SEZ6L2: variants seen among roughly 807,000 people sequenced by gnomAD.
SEZ6L2 encodes the protein seizure 6-like protein 2.
In SEZ6L2, 44 loss-of-function variants were observed where a neutral mutation model predicts 97.0. That is an observed-to-expected ratio of 0.45 (90% CI 0.36 to 0.58). The LOEUF (loss-of-function observed/expected upper bound fraction) is 0.58. Ranked by LOEUF, SEZ6L2 falls within the 20% of genes least tolerant of loss-of-function variation. The pLI is 0.00. For missense variants in SEZ6L2, 1,086 were observed against 1,233.3 expected, an observed-to-expected ratio of 0.88 and a Z score of 1.79; for synonymous variants, 543 against 546.1, an observed-to-expected ratio of 0.99 and a Z score of 0.08.
At chr16:29,884,200 G>A (rs1006863068) in intron 8 of SEZ6L2, among the ~76,000 whole-genome samples, 3 of 152,170 alleles carry the variant, frequency 2.0e-5, no homozygotes, top group South Asian at 2.1e-4. Context: ...TCAGGCTAAG[G>A]CCAACCAGGA....
chr16:29,878,705 C>T (rs1342362034), intron 9 of SEZ6L2, among the ~76,000 whole-genome samples: 3 of 151,238 alleles, frequency 2.0e-5, no homozygotes, highest in Admixed American at 6.6e-5. Flanking sequence ...CTGCCTCAGC[C>T]TCCCGAGTAG....
In SEZ6L2 at chr16:29,887,656, T is replaced by A. The variant is rs1360409031; in HGVS notation, c.1201A>T (p.Asn401Tyr). Residue 401 changes from asparagine (N) to tyrosine (Y), a missense_variant, in exon 7 of 18, where the codon AAT becomes TAT. Transcript: ENST00000617533. ...HFERVSLDED[N>Y]DRLMVRSGGS... ...CAAGACCCAGACCCTTACCGGTCATTGTCCTCATCCAGCGAGACCCTTTCA... is the reference window on the plus strand; with the variant it reads ...CAAGACCCAGACCCTTACCGGTCATAGTCCTCATCCAGCGAGACCCTTTCA... 6.4e-7 allele frequency: 1 copy of A among 1,574,314 alleles called. No individual in the cohort carries two copies. Among genetic ancestry groups the A allele is most frequent in the Non-Finnish European group, 8.6e-7 (1 of 1,157,786 alleles).
At chr16:29,879,757 G>T in intron 9 of SEZ6L2, 107 bp downstream of exon 9, 1 of 989,792 alleles carries the variant, frequency 1.0e-6, no homozygotes, top group Non-Finnish European at 1.5e-6. Context: ...AGGCTTGGGT[G>T]GATGAAGTCT....
In SEZ6L2 at chr16:29,873,640, G is replaced by A. The variant is rs755711466; in HGVS notation, c.2194C>T (p.Arg732Cys). Residue 732 changes from arginine to cysteine, a missense_variant, in exon 13 of 18, where the codon CGC becomes TGC. Transcript: ENST00000617533. This position sits in a 1 kb window ranked among gnomAD's most constrained non-coding sequence, Gnocchi z 4.3. Reference sequence around the variant, plus strand: ...TCGAGGCTGTACCCTGGCAGGCAGCGGTACTGGACGTGGGAGCCAACGGGG... The same window carrying A: ...TCGAGGCTGTACCCTGGCAGGCAGCAGTACTGGACGTGGGAGCCAACGGGG... ...GFPVGSHVQY[R>C]CLPGYSLEGA... 1.2e-5 allele frequency: 19 copies of A among 1,614,000 alleles called. 1 individual carries two copies. Among genetic ancestry groups the A allele is most frequent in the Admixed American group, 3.3e-5 (2 of 60,028 alleles).
chr16:29,876,753 C>G lies in SEZ6L2; in HGVS notation c.2104+3G>C. On this transcript the variant is annotated splice_donor_region_variant and intron_variant, in intron 12 of 17. Transcript: ENST00000617533. This position sits in a 1 kb window ranked among gnomAD's most constrained non-coding sequence, Gnocchi z 6.5. Reference sequence around the variant, plus strand: ...CGAGGGGACGCGGGCGGGGCCGGCTCACTCTTTTGGCAGGCGGGCGGCGCG... The same window carrying G: ...CGAGGGGACGCGGGCGGGGCCGGCTGACTCTTTTGGCAGGCGGGCGGCGCG... 6.5e-7 allele frequency: 1 copy of G among 1,539,846 alleles called. No homozygotes were observed.
At chr16:29,898,423 TTCTCTCTCTCTCTC>T (rs112555002) in intron 1 of SEZ6L2, among the ~76,000 whole-genome samples, 1 of 146,706 alleles carries the variant, frequency 6.8e-6, no homozygotes, top group African/African-American at 2.5e-5. Flanking sequence ...TGGCTGTCTT[TTCTCTCTCTCTCTC>T]TCTCTCTCTC....
chr16:29,872,530 C>G lies in SEZ6L2; in HGVS notation c.2528-4G>C. The G allele has an allele frequency of 4.3e-6, 7 of 1,613,862 alleles. No individual in the cohort carries two copies. Among genetic ancestry groups the G allele is most frequent in the East Asian group, 2.2e-5 (1 of 44,874 alleles). ...GATGGATCTGTGGTCTGGGTCACTA[C>G]AGGAGGAGGAGAGGCCGGTGAGCTG... On this transcript the variant is annotated splice_polypyrimidine_tract_variant and splice_region_variant and intron_variant, in intron 15 of 17. Coordinates refer to ENST00000617533, the MANE Select transcript of SEZ6L2 (RefSeq NM_001243332.2).
At chr16:29,888,780 T>C in intron 5 of SEZ6L2, 55 bp from the exon 6 acceptor site, 2 of 1,492,002 alleles carry the variant, frequency 1.3e-6, no homozygotes, top group Non-Finnish European at 1.8e-6. Context: ...CACCCTCTCA[T>C]ACTGATCCCC....
Position 29,879,955 on chromosome 16 carries a change from T to C in SEZ6L2, c.1482A>G (p.Gly494=), listed in dbSNP as rs759585634. 2 of 1,614,138 alleles carry C rather than the reference T, an allele frequency of 1.2e-6. No homozygotes were observed. The highest frequency in any genetic ancestry group is 1.7e-6 in the Non-Finnish European group (2 of 1,180,014). ...GGGGCCCAGGGGGCTCCAGGGCATA[T>C]CCTGGGAGGCACGAGAAGGTTGCCA... ...GALATFSCLP[G]YALEPPGPPN... is the part of the protein sequence containing the mutation. The change falls in exon 9 of 18, where the codon GGA becomes GGG. Residue 494 remains glycine (G), a synonymous_variant. Coordinates refer to ENST00000617533, the MANE Select transcript of SEZ6L2 (RefSeq NM_001243332.2).
intron 9 of SEZ6L2, 44 bp downstream of exon 9, chr16:29,879,820 G>A (rs1255268246): frequency 9.8e-6 from 15 of 1,523,726 alleles, no homozygotes; most frequent in Non-Finnish European, 1.3e-5. Context: ...CAGTTCAGGG[G>A]GCAACGTGGA....
chr16:29,878,428 A>AG lies in SEZ6L2; in HGVS notation c.1574-4dup. ...CGACAGCTCCCCTCCACACATGGCT[A>AG]GGGAAAAAGGGGTGTCAGGTTCAGG... On this transcript the variant is annotated splice_region_variant and splice_polypyrimidine_tract_variant and intron_variant, in intron 9 of 17. Transcript: ENST00000617533. The AG allele has an allele frequency of 6.3e-7, 1 of 1,592,376 alleles. No individual in the cohort carries two copies. Among genetic ancestry groups the AG allele is most frequent in the Non-Finnish European group, 8.6e-7 (1 of 1,166,544 alleles).
chr16:29,881,620 C>CTTTTTTTTTT (rs59318540), intron 8 of SEZ6L2, among the ~76,000 whole-genome samples: 2 of 85,120 alleles, frequency 2.3e-5, no homozygotes, highest in Admixed American at 1.5e-4. Flanking sequence ...ATGAGGAATT[C>CTTTTTTTTTT]TTTTTTTTTT....
intron 12 of SEZ6L2, among the ~76,000 whole-genome samples, chr16:29,874,419 G>A (rs1001860548): frequency 2.0e-5 from 3 of 151,986 alleles, no homozygotes; most frequent in African/African-American, 7.3e-5. Flanking sequence ...TACACTCCCT[G>A]CCTTCAGGCG....
rs1375851398 is a variant in SEZ6L2, at chr16:29,885,667, T to A, written c.1291A>T (p.Ile431Phe). The stretch of plus-strand genomic sequence containing the variant: ...ACGTAGAGGGACTGGGCGTCACTGA[T>A]GAGACCCCGCTCGGGGACATCGTCC... ...DMDDVPERGL[I>F]SDAQSLYVEL... Residue 431 changes from isoleucine (I) to phenylalanine (F), a missense_variant, in exon 8 of 18, where the codon ATC (isoleucine) becomes TTC (phenylalanine). By Grantham distance (21) the Ile-to-Phe change is conservative. Around this residue, in one of 2 missense-constraint regions of SEZ6L2, gnomAD observed 776 missense variants for 794.7 expected, o/e 0.98. Transcript: ENST00000617533. 18 of 1,613,900 alleles carry A rather than the reference T, an allele frequency of 1.1e-5. No individual in the cohort carries two copies. Among genetic ancestry groups the A allele is most frequent in the Non-Finnish European group, 1.5e-5 (18 of 1,179,996 alleles).
intron 3 of SEZ6L2, among the ~76,000 whole-genome samples, chr16:29,896,549 A>G (rs866025338): frequency 2.0e-5 from 3 of 152,162 alleles, no homozygotes; most frequent in South Asian, 2.1e-4. Context: ...AAGTGCTGGG[A>G]TTACAGGCTA....
intron 9 of SEZ6L2, among the ~76,000 whole-genome samples, chr16:29,879,598 C>T (rs529995445): frequency 6.6e-6 from 1 of 152,320 alleles, no homozygotes; most frequent in South Asian, 2.1e-4. Context: ...ACAAACCCTG[C>T]CCACTCTCCA....
rs765506858 is a variant in SEZ6L2, at chr16:29,898,991, G to A, written c.29C>T (p.Pro10Leu). MGTPRAQHP[P>L]PPQLLFLILL... ...AATTAGGAACAGCAGCTGGGGAGGCGGCGGGTGCTGGGCCCTGGGAGTCCC... is the reference window on the plus strand; with the variant it reads ...AATTAGGAACAGCAGCTGGGGAGGCAGCGGGTGCTGGGCCCTGGGAGTCCC... The change falls in exon 1 of 18, where the codon CCG (proline) becomes CTG (leucine). Residue 10 changes from proline to leucine, a missense_variant. Coordinates refer to ENST00000617533, the MANE Select transcript of SEZ6L2 (RefSeq NM_001243332.2). 1.3e-5 allele frequency: 21 copies of A among 1,611,526 alleles called. No homozygotes were observed. In the South Asian group the frequency reaches 2.0e-4, roughly 15 times the overall value.
At chr16:29,894,335 C>T (rs1190765631) in intron 5 of SEZ6L2, among the ~76,000 whole-genome samples, 1 of 152,094 alleles carries the variant, frequency 6.6e-6, no homozygotes, top group Non-Finnish European at 1.5e-5. Context: ...TGCTGAATTC[C>T]TTCACCTCAT....
At chr16:29,878,091 C>T (rs987202824) in intron 10 of SEZ6L2, among the ~76,000 whole-genome samples, 196 bp downstream of exon 10, 3 of 152,180 alleles carry the variant, frequency 2.0e-5, no homozygotes, top group African/African-American at 7.2e-5. Flanking sequence ...TTTATTTGTC[C>T]GAGGTTGCCT....
Sources: allele counts gnomAD v4.1 joint callset (sites outside exome capture counted in the v4.1 genomes callset), GRCh38; gene constraint gnomAD v4.1.1; regional missense constraint gnomAD v4.1.1; non-coding constraint Gnocchi (gnomAD v3.1); transcripts MANE v1.5; gene names NCBI Gene and HGNC (gene_info 2026-07-23, HGNC 2026-07-21).